Variants in MAPK8IP1 observed in about 807,000 individuals in gnomAD.
MAPK8IP1 encodes mitogen-activated protein kinase 8 interacting protein 1.
A neutral mutation model predicts 72.6 loss-of-function variants in MAPK8IP1; 17 were observed. The ratio of observed to expected loss-of-function variants is 0.23; its 90% confidence interval spans 0.16 to 0.35. The LOEUF (loss-of-function observed/expected upper bound fraction) is 0.35, where lower values mean the gene tolerates loss of function less well. Among genes scored for constraint, MAPK8IP1 ranks in the 10% least tolerant of loss-of-function variants. The probability of loss-of-function intolerance (pLI) is 1.00; values close to 1 mark genes in which losing one functional copy is unlikely to be tolerated. For synonymous variants in MAPK8IP1, 401 were observed against 443.4 expected (o/e 0.90, Z 1.20); for missense variants, 789 against 1,009.7 (o/e 0.78, Z 2.96).
In MAPK8IP1 at chr11:45,900,596, G is replaced by A. The variant is rs1195600128; in HGVS notation, c.522+144G>A. The A allele has an allele frequency of 7.5e-6, 7 of 937,352 alleles. No individual in the cohort carries two copies. The highest frequency in any genetic ancestry group is 2.7e-5 in the Admixed American group (1 of 37,150). The allele number at this position is 937,352 out of a possible 1,614,324, so 58.1% of individuals were successfully genotyped here. A position where few individuals can be genotyped will look rare whatever the true frequency, so the allele number is the denominator to read the frequency against. On this transcript the variant is annotated intron_variant, in intron 3 of 11. Transcript: ENST00000241014. The surrounding 1 kb of genome is among the most constrained non-coding windows in gnomAD (Gnocchi z 6.5). ...ATAGGGGCCGCGGTGGCTCGCTCCC[G>A]GTGTTGGGATCCGAGGAGCGGGCAG...
intron 3 of MAPK8IP1, 110 bp from the exon 4 acceptor site, chr11:45,901,870 T>G (rs1590787083): frequency 4.7e-5 from 39 of 828,680 alleles, no homozygotes; most frequent in Non-Finnish European, 3.0e-5. Context: ...GGAGGCGGGG[T>G]GGACACAGCA....
chr11:45,900,358 G>A lies in MAPK8IP1; in HGVS notation c.428G>A (p.Ser143Asn). ...QEPASRGQGQ[S>N]QGQSQGPGSG... ...CCGGCGTCCCGCGGCCAGGGCCAGA[G>A]CCAAGGCCAGAGCCAGGGCCCGGGC... The change falls in exon 3 of 12, where the codon AGC becomes AAC. Residue 143 changes from serine (S) to asparagine (N), a missense_variant. Physicochemically the swap from Ser to Asn is conservative, Grantham distance 46. Coordinates refer to ENST00000241014, the MANE Select transcript of MAPK8IP1 (RefSeq NM_005456.4). This position sits in a 1 kb window ranked among gnomAD's most constrained non-coding sequence, Gnocchi z 6.5. 6.6e-7 allele frequency: 1 copy of A among 1,514,004 alleles called. No individual in the cohort carries two copies. The highest frequency in any genetic ancestry group is 8.8e-7 in the Non-Finnish European group (1 of 1,137,758). The allele number at this position is 1,514,004 out of a possible 1,614,324, so 93.8% of individuals were successfully genotyped here.
In MAPK8IP1 at chr11:45,904,851, C is replaced by A. The variant is rs760697029; in HGVS notation, c.1893+17C>A. ...GAGGCCAAGGTGACTTCTTCCAACCCAGCCCCTTCCTTCCATGGCCCCAAG... is the reference window on the plus strand; with the variant it reads ...GAGGCCAAGGTGACTTCTTCCAACCAAGCCCCTTCCTTCCATGGCCCCAAG... On this transcript the variant is annotated intron_variant, in intron 9 of 11. Coordinates refer to ENST00000241014, the MANE Select transcript of MAPK8IP1 (RefSeq NM_005456.4). The surrounding 1 kb of genome is among the most constrained non-coding windows in gnomAD (Gnocchi z 6.4). 1.2e-6 allele frequency: 2 copies of A among 1,612,728 alleles called. No homozygotes were observed. Among genetic ancestry groups the A allele is most frequent in the Admixed American group, 3.3e-5 (2 of 60,026 alleles).
At chr11:45,901,834 G>A in intron 3 of MAPK8IP1, 146 bp from the exon 4 acceptor site, 1 of 775,678 alleles carries the variant, frequency 1.3e-6, no homozygotes, top group Non-Finnish European at 2.4e-6. Context: ...CTCCAGAGGA[G>A]AGTTACGAGT....
Position 45,902,990 on chromosome 11 carries a change from A to G in MAPK8IP1, c.1223A>G (p.Asp408Gly), listed in dbSNP as rs553856073. The change falls in exon 5 of 12, where the codon GAC (aspartate) becomes GGC (glycine). Residue 408 changes from aspartate (D) to glycine (G), a missense_variant. This residue lies in a region of MAPK8IP1 where 377 missense variants were observed against 411.7 expected (regional missense o/e 0.92). Coordinates refer to ENST00000241014, the MANE Select transcript of MAPK8IP1 (RefSeq NM_005456.4). The surrounding 1 kb of genome is among the most constrained non-coding windows in gnomAD (Gnocchi z 9.3). Reference sequence around the variant, plus strand: ...TTCGGAGACTACAGTGACGAGAGTGACTCTGCCACCGTCTATGACAACTGT... The same window carrying G: ...TTCGGAGACTACAGTGACGAGAGTGGCTCTGCCACCGTCTATGACAACTGT... ...PCFGDYSDES[D>G]SATVYDNCAS... The G allele has an allele frequency of 2.5e-6, 4 of 1,611,656 alleles. No individual in the cohort carries two copies. In the East Asian group the frequency reaches 8.9e-5, roughly 36 times the overall value.
Position 45,904,321 on chromosome 11 carries a change from A to C in MAPK8IP1, c.1667-134A>C, listed in dbSNP as rs952486026. ...CGATCAAGCAAAGTGAGGCCCGGCC[A>C]AGTTGGGCAGCCAGGGATTGTGGCA... On this transcript the variant is annotated intron_variant, in intron 7 of 11. Transcript: ENST00000241014. The surrounding 1 kb of genome is among the most constrained non-coding windows in gnomAD (Gnocchi z 6.4). 37 of 1,188,944 alleles carry C rather than the reference A, an allele frequency of 3.1e-5. No individual in the cohort carries two copies. The highest frequency in any genetic ancestry group is 3.9e-5 in the Non-Finnish European group (32 of 816,432). 73.6% of individuals were successfully genotyped at this position (1,188,944 alleles called of 1,614,324 possible).
At chr11:45,890,538 G>C (rs564394899) in intron 1 of MAPK8IP1, among the ~76,000 whole-genome samples, 1 of 152,300 alleles carries the variant, frequency 6.6e-6, no homozygotes, top group South Asian at 2.1e-4. Context: ...GCTGGGTAGA[G>C]AGCGGCCAGG....
chr11:45,900,107 GC>G lies in MAPK8IP1; in HGVS notation c.208-26del. On this transcript the variant is annotated intron_variant, in intron 2 of 11. Coordinates refer to ENST00000241014, the MANE Select transcript of MAPK8IP1 (RefSeq NM_005456.4). This position sits in a 1 kb window ranked among gnomAD's most constrained non-coding sequence, Gnocchi z 6.5. Reference sequence around the variant, plus strand: ...GCGGCCTCGGCCCCGCCCCGGCCCCGCCCCCTGACGCCCCTCCGTGCGCTGT... The same window carrying G: ...GCGGCCTCGGCCCCGCCCCGGCCCCGCCCCTGACGCCCCTCCGTGCGCTGT... The G allele has an allele frequency of 8.4e-7, 1 of 1,189,380 alleles. No homozygotes were observed. The highest frequency in any genetic ancestry group is 1.0e-6 in the Non-Finnish European group (1 of 959,754). The allele number at this position is 1,189,380 out of a possible 1,614,324, so 73.7% of individuals were successfully genotyped here. A position where few individuals can be genotyped will look rare whatever the true frequency, so the allele number is the denominator to read the frequency against.
Position 45,906,047 on chromosome 11 carries a change from C to T in MAPK8IP1, c.*326C>T, listed in dbSNP as rs1373769127. The T allele has an allele frequency of 8.0e-6, 4 of 497,532 alleles. No individual in the cohort carries two copies. Among genetic ancestry groups the T allele is most frequent in the Non-Finnish European group, 1.5e-5 (4 of 273,976 alleles). The allele number at this position is 497,532 out of a possible 1,614,324, so 30.8% of individuals were successfully genotyped here. ...GGCCCTGCCCCATCCTGGGCCTTAC[C>T]TCCCCTGCCAGGGCTCGGGCGCTGT... On this transcript the variant is annotated 3_prime_UTR_variant, in exon 12 of 12. Coordinates refer to ENST00000241014, the MANE Select transcript of MAPK8IP1 (RefSeq NM_005456.4).
Position 45,904,162 on chromosome 11 carries a change from G to A in MAPK8IP1, c.1666+1G>A. 6.2e-7 allele frequency: 1 copy of A among 1,613,514 alleles called. No individual in the cohort carries two copies. The highest frequency in any genetic ancestry group is 8.5e-7 in the Non-Finnish European group (1 of 1,179,842). ...ACCAAGGAGCCCGAGCACATGGCAG[G>A]TAGTGTTCCCTCCCTGGCCTGTGCC... On this transcript the variant is annotated splice_donor_variant, in intron 7 of 11. Coordinates refer to ENST00000241014, the MANE Select transcript of MAPK8IP1 (RefSeq NM_005456.4). LOFTEE classifies it high-confidence loss of function. The surrounding 1 kb of genome is among the most constrained non-coding windows in gnomAD (Gnocchi z 6.4).
intron 1 of MAPK8IP1, among the ~76,000 whole-genome samples, chr11:45,891,547 G>A (rs2086566010): frequency 2.0e-5 from 3 of 152,338 alleles, no homozygotes; most frequent in South Asian, 4.1e-4. Flanking sequence ...GGGGAGGGCA[G>A]GCAGCCCAGC....
rs1464655585 is a variant in MAPK8IP1, at chr11:45,900,879, G to A, written c.522+427G>A. Among the ~76,000 whole-genome samples the A allele has an allele frequency of 1.3e-5, 2 of 152,112 alleles. No individual in the cohort carries two copies. ...ATCTGAAATGGTCATCGTGGGGGAG[G>A]CCGTGGGAGATCGTGGCGAGGTGGG... On this transcript the variant is annotated intron_variant, in intron 3 of 11. Transcript: ENST00000241014. This position sits in a 1 kb window ranked among gnomAD's most constrained non-coding sequence, Gnocchi z 6.5.
rs746360377 is a variant in MAPK8IP1 at position 45,904,718 on chromosome 11, A to G, written c.1777A>G (p.Ile593Val). ...NDVLCAAMQK[I>V]ATTRRLTVHF... is the part of the protein sequence containing the mutation. ...ACGTGGCTCCATTTGTCACCTGTAG[A>G]TTGCCACCACCCGCCGGCTCACCGT... The change falls in exon 9 of 12, where the codon ATT becomes GTT. Residue 593 changes from isoleucine to valine, a missense_variant and splice_region_variant. Coordinates refer to ENST00000241014, the MANE Select transcript of MAPK8IP1 (RefSeq NM_005456.4). The surrounding 1 kb of genome is among the most constrained non-coding windows in gnomAD (Gnocchi z 6.4). 3.1e-6 allele frequency: 5 copies of G among 1,613,660 alleles called. No homozygotes were observed. The African/African-American group carries it at 6.7e-5, about 22-fold the overall frequency.
Position 45,904,442 on chromosome 11 carries a change from G to T in MAPK8IP1, c.1667-13G>T, listed in dbSNP as rs573661250. ...CTCTTTCTGCCCCTCCTCAATTCAC[G>T]CTTGCTTTCCAGCCCTGGCCAAAAA... On this transcript the variant is annotated splice_polypyrimidine_tract_variant and intron_variant, in intron 7 of 11. Coordinates refer to ENST00000241014, the MANE Select transcript of MAPK8IP1 (RefSeq NM_005456.4). The surrounding 1 kb of genome is among the most constrained non-coding windows in gnomAD (Gnocchi z 6.4). 8 of 1,609,386 alleles carry T rather than the reference G, an allele frequency of 5.0e-6. No individual in the cohort carries two copies. The highest frequency in any genetic ancestry group is 6.0e-6 in the Non-Finnish European group (7 of 1,176,260).
At position 45,885,708 on chromosome 11, in the gene MAPK8IP1, C is replaced by A. The variant is rs970967210; in HGVS notation, c.-113C>A. 1.4e-4 allele frequency: 73 copies of A among 508,446 alleles called. No individual in the cohort carries two copies. The highest frequency in any genetic ancestry group is 8.3e-4 in the Admixed American group (18 of 21,736). 31.5% of individuals were successfully genotyped at this position (508,446 alleles called of 1,614,324 possible). A position where few individuals can be genotyped will look rare whatever the true frequency, so the allele number is the denominator to read the frequency against. On this transcript the variant is annotated 5_prime_UTR_variant, in exon 1 of 12. Transcript: ENST00000241014. The stretch of plus-strand genomic sequence containing the variant: ...GCCCTGCCAGACACAGGTGCGCCCG[C>A]CTAGCCCGAACTCCGCGGCGGCGGC...
At chr11:45,898,993 G>A (rs1055486284) in intron 2 of MAPK8IP1, among the ~76,000 whole-genome samples, 7 of 152,218 alleles carry the variant, frequency 4.6e-5, no homozygotes, top group African/African-American at 1.7e-4. Flanking sequence ...CAGATACGGT[G>A]TCAGGAGAGT....
Position 45,904,752 on chromosome 11 carries a change from A to G in MAPK8IP1, c.1811A>G (p.Asn604Ser). Residue 604 changes from asparagine to serine, a missense_variant, in exon 9 of 12, where the codon AAC (asparagine) becomes AGC (serine). Physicochemically the swap from Asn to Ser is conservative, Grantham distance 46. Around this residue, in one of 4 missense-constraint regions of MAPK8IP1, gnomAD observed 188 missense variants for 293.3 expected, o/e 0.64. Coordinates refer to ENST00000241014, the MANE Select transcript of MAPK8IP1 (RefSeq NM_005456.4). The surrounding 1 kb of genome is among the most constrained non-coding windows in gnomAD (Gnocchi z 6.4). ...ACCCGCCGGCTCACCGTGCACTTTA[A>G]CCCGCCCTCCAGCTGTGTCCTGGAG... ...ATTRRLTVHF[N>S]PPSSCVLEIS... is the part of the protein sequence containing the mutation. 6.2e-7 allele frequency: 1 copy of G among 1,613,708 alleles called. No individual in the cohort carries two copies. Among genetic ancestry groups the G allele is most frequent in the Non-Finnish European group, 8.5e-7 (1 of 1,179,964 alleles).
In MAPK8IP1 at chr11:45,906,460, T is replaced by G. The variant is rs2086711319; in HGVS notation, c.*739T>G. ...CCAACTATTAAAGTGCCATTTCCTG[T>G]CTGGACTGCAGTGGATGTATCTGCA... On this transcript the variant is annotated 3_prime_UTR_variant, in exon 12 of 12. Coordinates refer to ENST00000241014, the MANE Select transcript of MAPK8IP1 (RefSeq NM_005456.4). 7.4e-7 allele frequency: 1 copy of G among 1,352,154 alleles called. No individual in the cohort carries two copies. The highest frequency in any genetic ancestry group is 9.8e-7 in the Non-Finnish European group (1 of 1,018,508). 83.8% of individuals were successfully genotyped at this position (1,352,154 alleles called of 1,614,324 possible). A position where few individuals can be genotyped will look rare whatever the true frequency, so the allele number is the denominator to read the frequency against.
At chr11:45,896,850 C>T (rs753549474) in intron 1 of MAPK8IP1, 26 of 1,548,438 alleles carry the variant, frequency 1.7e-5, no homozygotes, top group Middle Eastern at 2.3e-4. Context: ...CCCTGGGGCC[C>T]CGCAGCCCCC....
Sources: gnomAD v4.1 joint callset for allele counts (sites outside exome capture counted in the v4.1 genomes callset) on GRCh38, gnomAD v4.1.1 for gene constraint, gnomAD v4.1.1 regional missense constraint, Gnocchi (gnomAD v3.1) non-coding constraint, MANE v1.5 for transcripts, NCBI Gene and HGNC (gene_info 2026-07-23, HGNC 2026-07-21) for gene names.